Variants in DIS3L2 observed in about 807,000 individuals in gnomAD.
DIS3L2 encodes DIS3-like exonuclease 2.
DIS3L2 carries 34 observed loss-of-function variants against 97.5 expected under a neutral mutation model. The ratio of observed to expected loss-of-function variants is 0.35; its 90% CI spans 0.27 to 0.46. DIS3L2 has a LOEUF of 0.46. Ranked by LOEUF, DIS3L2 falls within the 20% of genes least tolerant of loss-of-function variation. The pLI is 1.00. For missense variants in DIS3L2, 1,038 were observed against 1,146.0 expected (o/e 0.91, Z 1.36); for synonymous variants, 435 against 445.2 (o/e 0.98, Z 0.29).
At chr2:232,012,791 G>T (rs903191325) in intron 1 of DIS3L2, among the ~76,000 whole-genome samples, 4 of 152,124 alleles carry the variant, frequency 2.6e-5, no homozygotes, top group African/African-American at 9.7e-5. Flanking sequence ...CCTTCACAAT[G>T]ATGTCACGGG....
At chr2:232,282,696 C>T (rs963474589) in intron 13 of DIS3L2, among the ~76,000 whole-genome samples, 1 of 152,224 alleles carries the variant, frequency 6.6e-6, no homozygotes, top group Non-Finnish European at 1.5e-5. Flanking sequence ...AATTCAATCA[C>T]ACATCTGACC....
intron 1 of DIS3L2, among the ~76,000 whole-genome samples, chr2:231,972,321 C>T (rs1228271572): frequency 6.6e-6 from 1 of 152,074 alleles, no homozygotes; most frequent in Non-Finnish European, 1.5e-5. Flanking sequence ...GTAATTGTAT[C>T]TGCCATACTT....
At chr2:232,340,540 G>A (rs1195240263), downstream of DIS3L2, among the ~76,000 whole-genome samples, 6 of 152,224 alleles carry the variant, frequency 3.9e-5, no homozygotes, top group African/African-American at 1.2e-4. Context: ...GACCAGGCCT[G>A]TTCAGGGGGA....
intron 7 of DIS3L2, among the ~76,000 whole-genome samples, chr2:232,135,846 G>A (rs1366661927): frequency 6.6e-6 from 1 of 152,102 alleles, no homozygotes; most frequent in Non-Finnish European, 1.5e-5. Flanking sequence ...GGGAAAGGAA[G>A]CACTTCAGGA....
At chr2:231,998,225 C>T (rs1693780812) in intron 1 of DIS3L2, among the ~76,000 whole-genome samples, 1 of 152,128 alleles carries the variant, frequency 6.6e-6, no homozygotes, top group African/African-American at 2.4e-5. Context: ...AAGGTGCTGA[C>T]ATCTGTTGAG....
intron 8 of DIS3L2, among the ~76,000 whole-genome samples, chr2:232,156,555 A>G (rs1373376122): frequency 2.0e-5 from 3 of 151,946 alleles, no homozygotes. Flanking sequence ...GAATCTTTAA[A>G]TAGTGAGTTC....
intron 13 of DIS3L2, among the ~76,000 whole-genome samples, chr2:232,271,331 T>C (rs1694003022): frequency 6.6e-6 from 1 of 152,216 alleles, no homozygotes; most frequent in South Asian, 2.1e-4. Flanking sequence ...ACCTCCTGCG[T>C]GTATTACCTC....
intron 5 of DIS3L2, among the ~76,000 whole-genome samples, chr2:232,054,776 A>G (rs1183391961): frequency 6.6e-6 from 1 of 152,214 alleles, no homozygotes; most frequent in Non-Finnish European, 1.5e-5. Flanking sequence ...TGCCCTTGAT[A>G]TCAAAACGTG....
At chr2:232,321,014 T>C (rs975590398) in intron 14 of DIS3L2, among the ~76,000 whole-genome samples, 22 of 152,012 alleles carry the variant, frequency 1.4e-4, no homozygotes, top group African/African-American at 4.6e-4. Flanking sequence ...GTGGAGAAGG[T>C]GGGCTTGGGT....
intron 14 of DIS3L2, among the ~76,000 whole-genome samples, chr2:232,304,652 G>A (rs2106325447): frequency 6.6e-6 from 1 of 152,302 alleles, no homozygotes; most frequent in South Asian, 2.1e-4. Context: ...TGCTTTGCAA[G>A]CTATTCTTCC....
chr2:232,204,232 A>C (rs1431466666), intron 9 of DIS3L2, among the ~76,000 whole-genome samples: 1 of 152,182 alleles, frequency 6.6e-6, no homozygotes, highest in Non-Finnish European at 1.5e-5. Context: ...TTCCAGCTTA[A>C]AGGAGGTAGA....
chr2:232,335,371 C>T, intron 19 of DIS3L2: 1 of 220,634 alleles, frequency 4.5e-6, no homozygotes, highest in Non-Finnish European at 9.0e-6. Context: ...CCCCTGCGGA[C>T]CCTGGGGGCT....
intron 8 of DIS3L2, among the ~76,000 whole-genome samples, chr2:232,138,812 A>G (rs1395206437): frequency 1.3e-5 from 2 of 152,122 alleles, no homozygotes; most frequent in Non-Finnish European, 2.9e-5. Context: ...TTCCTTCTCA[A>G]TTTGTTCCCA....
At chr2:232,282,142 TAAA>T (rs60408194) in intron 13 of DIS3L2, among the ~76,000 whole-genome samples, 4 of 107,138 alleles carry the variant, frequency 3.7e-5, no homozygotes, top group South Asian at 6.6e-4. Context: ...CTCGTTTATT[TAAA>T]AAAAAAAAAA....
At chr2:232,261,407 G>A (rs1461557391) in intron 12 of DIS3L2, among the ~76,000 whole-genome samples, 1 of 152,170 alleles carries the variant, frequency 6.6e-6, no homozygotes, top group African/African-American at 2.4e-5. Context: ...TTTTGGAAGT[G>A]GTCATCCACA....
At chr2:232,241,202 T>A (rs1693071284) in intron 11 of DIS3L2, among the ~76,000 whole-genome samples, 1 of 152,288 alleles carries the variant, frequency 6.6e-6, no homozygotes, top group East Asian at 1.9e-4. Flanking sequence ...CAGGAACTTT[T>A]CTGCTGTTTT....
At chr2:232,110,432 T>C (rs567124336) in intron 6 of DIS3L2, among the ~76,000 whole-genome samples, 22 of 152,278 alleles carry the variant, frequency 1.4e-4, no homozygotes, top group Non-Finnish European at 2.2e-4. Flanking sequence ...AGCAAAGATA[T>C]GGAATCAACC....
Position 232,085,937 on chromosome 2 carries a change from G to T in DIS3L2, c.367-1550G>T, listed in dbSNP as rs181629125. 3.3e-5 allele frequency among the ~76,000 whole-genome samples: 5 copies of T among 152,172 alleles called. No individual in the cohort carries two copies. In the East Asian group the frequency reaches 9.6e-4, roughly 29 times the overall value. The stretch of plus-strand genomic sequence containing the variant: ...TCTTCCCACTTCAGCCTCCCAAGTA[G>T]CTAGGACTACAGGCGCCCTGCCCCC... On this transcript the variant is annotated intron_variant, in intron 5 of 20. Coordinates refer to ENST00000325385, the MANE Select transcript of DIS3L2 (RefSeq NM_152383.5).
chr2:232,114,830 A>G (rs976011241), intron 6 of DIS3L2, among the ~76,000 whole-genome samples: 2 of 152,174 alleles, frequency 1.3e-5, no homozygotes, highest in African/African-American at 2.4e-5. Context: ...CTTGGTTATA[A>G]CTGAATACCT....
Sources: allele counts gnomAD v4.1 joint callset (sites outside exome capture counted in the v4.1 genomes callset), GRCh38; gene constraint gnomAD v4.1.1; transcripts MANE v1.5; gene names NCBI Gene and HGNC (gene_info 2026-07-23, HGNC 2026-07-21).